The following PLXNA4 variants were observed in gnomAD, a reference collection of about 807,000 sequenced individuals.
PLXNA4 encodes the protein plexin-A4.
A neutral mutation model predicts 191.8 loss-of-function variants in PLXNA4; 44 were observed. That is an observed-to-expected ratio of 0.23 (90% CI 0.18 to 0.29). The LOEUF (loss-of-function observed/expected upper bound fraction) is 0.29, where lower values mean the gene tolerates loss of function less well. Among genes scored for constraint, PLXNA4 ranks in the 10% least tolerant of loss-of-function variants. PLXNA4 has a pLI of 1.00. For synonymous variants in PLXNA4, 1,082 were observed against 1,009.5 expected, an observed-to-expected ratio of 1.07 and a Z score of -1.36; for missense variants, 1,800 against 2,488.8, an observed-to-expected ratio of 0.72 and a Z score of 5.89.
chr7:132,427,932 G>A (rs774544415), intron 3 of PLXNA4, among the ~76,000 whole-genome samples: 3 of 152,208 alleles, frequency 2.0e-5, no homozygotes, highest in African/African-American at 4.8e-5. Flanking sequence ...GAGAACGTGT[G>A]CATAACAGGC....
At chr7:132,588,368 T>C (rs1173644670) in intron 2 of PLXNA4, among the ~76,000 whole-genome samples, 1 of 152,154 alleles carries the variant, frequency 6.6e-6, no homozygotes, top group Non-Finnish European at 1.5e-5. Context: ...TGTGAAAGAA[T>C]GTGTGCTGAC....
chr7:132,480,769 G>A (rs886607855), intron 3 of PLXNA4, among the ~76,000 whole-genome samples: 7 of 152,186 alleles, frequency 4.6e-5, no homozygotes, highest in Non-Finnish European at 1.5e-5. Context: ...ACTCGGCCAC[G>A]GGATCCAAGC....
chr7:132,172,783 A>ATAATAATAATAAT (rs1796332563), intron 21 of PLXNA4, among the ~76,000 whole-genome samples: 1 of 150,876 alleles, frequency 6.6e-6, no homozygotes, highest in Non-Finnish European at 1.5e-5. Context: ...AATAATAATA[A>ATAATAATAATAAT]AGTTACATCT....
chr7:132,223,060 C>G (rs1798198671), intron 9 of PLXNA4, among the ~76,000 whole-genome samples: 1 of 152,222 alleles, frequency 6.6e-6, no homozygotes, highest in South Asian at 2.1e-4. Flanking sequence ...AACCACCGCT[C>G]TAGCTCACAA....
At chr7:132,474,919 G>T (rs1212972269) in intron 3 of PLXNA4, among the ~76,000 whole-genome samples, 2 of 152,158 alleles carry the variant, frequency 1.3e-5, no homozygotes, top group Admixed American at 6.5e-5. Context: ...CAGACATGAA[G>T]TCTCACTACC....
intron 3 of PLXNA4, among the ~76,000 whole-genome samples, chr7:132,340,431 C>A (rs1802983166): frequency 6.6e-6 from 1 of 152,178 alleles, no homozygotes; most frequent in Non-Finnish European, 1.5e-5. Context: ...ATGTAAATGA[C>A]CTCAGATACT....
At position 132,596,478 on chromosome 7, in the gene PLXNA4, A is replaced by C. The variant is rs542113564; in HGVS notation, c.-87+49450T>G. Among the ~76,000 whole-genome samples, 3 of 152,342 alleles carry C rather than the reference A, an allele frequency of 2.0e-5. No individual in the cohort carries two copies. In the East Asian group the frequency reaches 5.8e-4, roughly 29 times the overall value. ...CCCTTTCTGGACTCTGCTGCCTTTG[A>C]AACTATAGTGAGCACAGCTGGAAAC... On this transcript the variant is annotated intron_variant, in intron 2 of 4. Coordinates refer to the PLXNA4 transcript ENST00000378539.
At chr7:132,396,740 C>T (rs1444966970) in intron 3 of PLXNA4, among the ~76,000 whole-genome samples, 1 of 152,256 alleles carries the variant, frequency 6.6e-6, no homozygotes, top group Non-Finnish European at 1.5e-5. Context: ...GATCCACCTG[C>T]CTCAGTCTCC....
chr7:132,446,090 G>A (rs1287883407), intron 3 of PLXNA4, among the ~76,000 whole-genome samples: 1 of 152,202 alleles, frequency 6.6e-6, no homozygotes, highest in Non-Finnish European at 1.5e-5. Context: ...ACAGCCAGGT[G>A]TGGTCTTGAG....
At chr7:132,419,650 T>G (rs1040184146) in intron 3 of PLXNA4, among the ~76,000 whole-genome samples, 22 of 152,352 alleles carry the variant, frequency 1.4e-4, no homozygotes, top group East Asian at 1.2e-3. Context: ...AGTTGATTCA[T>G]GACTGCCTGC....
intron 2 of PLXNA4, among the ~76,000 whole-genome samples, chr7:132,506,260 T>G (rs888419041): frequency 6.6e-6 from 1 of 150,814 alleles, no homozygotes. Flanking sequence ...CTGGGGAGGG[T>G]GCCAGTCCCC....
intron 3 of PLXNA4, among the ~76,000 whole-genome samples, chr7:132,393,752 A>G (rs1198925878): frequency 1.3e-5 from 2 of 152,266 alleles, no homozygotes; most frequent in African/African-American, 4.8e-5. Flanking sequence ...GATTCCATGT[A>G]AGAGAGAAAC....
intron 3 of PLXNA4, among the ~76,000 whole-genome samples, chr7:132,465,227 C>T (rs1051623098): frequency 2.0e-4 from 30 of 152,186 alleles, no homozygotes; most frequent in African/African-American, 7.0e-4. Context: ...TCTAGTTGTG[C>T]TGCATTGGGT....
chr7:132,132,922 CAG>C (rs1795010277), intron 31 of PLXNA4, 125 bp downstream of exon 31: 1 of 1,376,448 alleles, frequency 7.3e-7, no homozygotes, highest in Non-Finnish European at 9.7e-7. Context: ...CCCAGGTCCT[CAG>C]TGGTGGTTCC....
At chr7:132,630,050 CTG>C (rs1803461855) in intron 2 of PLXNA4, among the ~76,000 whole-genome samples, 1 of 152,176 alleles carries the variant, frequency 6.6e-6, no homozygotes, top group African/African-American at 2.4e-5. Flanking sequence ...CAGGGTTCCA[CTG>C]TGTTAGCCAG....
Position 132,198,516 on chromosome 7 carries a change from G to A in PLXNA4, c.2707C>T (p.Pro903Ser), listed in dbSNP as rs745956218. The stretch of plus-strand genomic sequence containing the variant: ...GCAGGGATGTAACCATCCACTAAAG[G>A]GCTGCACTCCACGCCAGCAACCTTG... ...HVKVAGVECS[P>S]LVDGYIPAEQ... The change falls in exon 13 of 32, where the codon CCT (proline) becomes TCT (serine). Residue 903 changes from proline to serine, a missense_variant. Pro to Ser is a moderately conservative substitution (Grantham distance 74). Coordinates refer to ENST00000321063, the MANE Select transcript of PLXNA4 (RefSeq NM_020911.2). 3.1e-6 allele frequency: 5 copies of A among 1,614,062 alleles called. No homozygotes were observed. Among genetic ancestry groups the A allele is most frequent in the Non-Finnish European group, 3.4e-6 (4 of 1,180,050 alleles).
At chr7:132,580,130 G>A (rs921182329), upstream of PLXNA4, among the ~76,000 whole-genome samples, 2 of 152,128 alleles carry the variant, frequency 1.3e-5, no homozygotes, top group Non-Finnish European at 2.9e-5. Context: ...AATGTGCTTT[G>A]AAACTCTAAG....
At position 132,591,828 on chromosome 7, in the gene PLXNA4, G is replaced by A. The variant is rs1013884142; in HGVS notation, c.-87+54100C>T. On this transcript the variant is annotated intron_variant, in intron 2 of 4. Transcript: ENST00000378539. ...CCCAACTCCATTCTCAGAATGCTGC[G>A]TATTATGTGCTCTTTTGGCACCTCA... Among the ~76,000 whole-genome samples the A allele has an allele frequency of 1.2e-4, 19 of 152,224 alleles. 1 individual carries two copies. The East Asian group carries it at 1.5e-3, about 12-fold the overall frequency.
At chr7:132,276,276 A>T (rs1479710874) in intron 4 of PLXNA4, among the ~76,000 whole-genome samples, 2 of 151,878 alleles carry the variant, frequency 1.3e-5, no homozygotes, top group Admixed American at 1.3e-4. Flanking sequence ...TTTTTCTACC[A>T]CCTTCCTTCT....
Sources: allele counts gnomAD v4.1 joint callset (sites outside exome capture counted in the v4.1 genomes callset), GRCh38; gene constraint gnomAD v4.1.1; transcripts MANE v1.5; gene names NCBI Gene and HGNC (gene_info 2026-07-23, HGNC 2026-07-21).